Variants in LGR6 observed in about 807,000 individuals in gnomAD.
LGR6 encodes the protein leucine-rich repeat-containing G protein-coupled receptor 6.
Under a neutral mutation model 69.4 loss-of-function variants are expected in LGR6, and 45 were observed. The ratio of observed to expected loss-of-function variants is 0.65; its 90% confidence interval spans 0.51 to 0.83. The LOEUF (loss-of-function observed/expected upper bound fraction) is 0.83. Among genes scored for constraint, LGR6 ranks in the 40% least tolerant of loss-of-function variants. The probability of loss-of-function intolerance (pLI) is 0.00; values close to 1 mark genes in which losing one functional copy is unlikely to be tolerated. For synonymous variants in LGR6, 538 were observed against 555.0 expected (o/e 0.97, Z 0.43); for missense variants, 1,108 against 1,246.7 (o/e 0.89, Z 1.68).
At chr1:202,286,563 G>A (rs1666408545) in intron 6 of LGR6, among the ~76,000 whole-genome samples, 1 of 152,064 alleles carries the variant, frequency 6.6e-6, no homozygotes, top group African/African-American at 2.4e-5. Flanking sequence ...TTTAATTTGG[G>A]TTTCTCTGCC....
rs762967039 is a variant in LGR6 at position 202,301,175 on chromosome 1, A to G, written c.869A>G (p.Asp290Gly). Residue 290 changes from aspartate to glycine, a missense_variant, in exon 9 of 18, where the codon GAT becomes GGT. Asp to Gly is a moderately conservative substitution (Grantham distance 94). Transcript: ENST00000367278. Reference protein sequence around the residue: ...NPLLQTIHFYDNPIQFVGRSA... With the variant: ...NPLLQTIHFYGNPIQFVGRSA... ...CCTTCTTCTTCCAGACACTTTTATGATAACCCAATCCAGTTTGTGGGAAGA... is the reference window on the plus strand; with the variant it reads ...CCTTCTTCTTCCAGACACTTTTATGGTAACCCAATCCAGTTTGTGGGAAGA... 1.2e-6 allele frequency: 2 copies of G among 1,614,222 alleles called. No individual in the cohort carries two copies. Among genetic ancestry groups the G allele is most frequent in the Non-Finnish European group, 1.7e-6 (2 of 1,180,028 alleles).
At chr1:202,200,841 T>TG (rs940828848) in intron 1 of LGR6, among the ~76,000 whole-genome samples, 23 of 152,020 alleles carry the variant, frequency 1.5e-4, no homozygotes, top group African/African-American at 5.3e-4. Flanking sequence ...AAGGACATGG[T>TG]GGGGGGAGAG....
intron 3 of LGR6, among the ~76,000 whole-genome samples, chr1:202,230,655 T>C (rs1660950890): frequency 6.6e-6 from 1 of 152,208 alleles, no homozygotes; most frequent in South Asian, 2.1e-4. Context: ...TGTGCGTGTG[T>C]GTGTCAGGCT....
chr1:202,261,850 T>G (rs1664263623), intron 4 of LGR6, among the ~76,000 whole-genome samples: 1 of 152,272 alleles, frequency 6.6e-6, no homozygotes, highest in South Asian at 2.1e-4. Flanking sequence ...ATGAGCATTT[T>G]TTCATGTGTC....
At chr1:202,219,301 G>C (rs944089765) in intron 1 of LGR6, among the ~76,000 whole-genome samples, 1 of 152,186 alleles carries the variant, frequency 6.6e-6, no homozygotes, top group Admixed American at 6.5e-5. Context: ...ATATGTGCCC[G>C]GCTCAGCCTG....
intron 3 of LGR6, among the ~76,000 whole-genome samples, chr1:202,233,413 C>T (rs749046436): frequency 2.0e-5 from 3 of 152,148 alleles, no homozygotes; most frequent in Non-Finnish European, 2.9e-5. Flanking sequence ...TTTTCTCAGC[C>T]ATCGTTTCTC....
intron 4 of LGR6, among the ~76,000 whole-genome samples, chr1:202,259,994 A>G (rs1018463826): frequency 6.6e-6 from 1 of 152,116 alleles, no homozygotes; most frequent in Middle Eastern, 3.2e-3. Context: ...TGCTACTCCA[A>G]TCCTGCCTGG....
chr1:202,305,561 G>A (rs546899724), intron 11 of LGR6, 123 bp from the exon 12 acceptor site: 2 of 774,750 alleles, frequency 2.6e-6, no homozygotes, highest in African/African-American at 3.4e-5. Context: ...ATGTCCCTGT[G>A]GGGTCCCCAC....
chr1:202,305,066 T>C (rs1667883374), intron 11 of LGR6, among the ~76,000 whole-genome samples: 1 of 152,162 alleles, frequency 6.6e-6, no homozygotes, highest in Non-Finnish European at 1.5e-5. Flanking sequence ...AACTTGAATC[T>C]GAGGCTCCTC....
At chr1:202,196,270 A>C (rs1310085703) in intron 1 of LGR6, among the ~76,000 whole-genome samples, 3 of 152,078 alleles carry the variant, frequency 2.0e-5, no homozygotes, top group Admixed American at 1.3e-4. Flanking sequence ...AGTTGTCCTG[A>C]GGGTGTCTCA....
At chr1:202,309,566 G>A (rs780271538) in intron 15 of LGR6, among the ~76,000 whole-genome samples, 53 of 152,268 alleles carry the variant, frequency 3.5e-4, no homozygotes, top group Non-Finnish European at 7.1e-4. Context: ...ACTGATGGGT[G>A]GAAAACAAGC....
chr1:202,227,134 A>G (rs911377941), intron 2 of LGR6, among the ~76,000 whole-genome samples: 1 of 152,190 alleles, frequency 6.6e-6, no homozygotes, highest in African/African-American at 2.4e-5. Context: ...TTTTTAAACA[A>G]TAAATGTCAA....
intron 11 of LGR6, among the ~76,000 whole-genome samples, chr1:202,304,864 C>A (rs1054390697): frequency 6.6e-6 from 1 of 152,130 alleles, no homozygotes; most frequent in Admixed American, 6.6e-5. Flanking sequence ...TCGATATCCT[C>A]GTCTATAACA....
intron 12 of LGR6, among the ~76,000 whole-genome samples, chr1:202,306,488 G>T (rs755998544): frequency 2.1e-4 from 32 of 152,190 alleles, no homozygotes; most frequent in Non-Finnish European, 4.1e-4. Context: ...AGTCTACTGA[G>T]CTCTGCTTCC....
At chr1:202,292,229 G>A (rs1666846248) in intron 6 of LGR6, among the ~76,000 whole-genome samples, 1 of 152,194 alleles carries the variant, frequency 6.6e-6, no homozygotes, top group Non-Finnish European at 1.5e-5. Flanking sequence ...CAACAGGAGA[G>A]TGACAGACTC....
chr1:202,265,477 A>G (rs1664571560), intron 4 of LGR6, among the ~76,000 whole-genome samples: 1 of 152,214 alleles, frequency 6.6e-6, no homozygotes, highest in African/African-American at 2.4e-5. Context: ...TTCCTCAACC[A>G]GTGACCTGGG....
intron 1 of LGR6, among the ~76,000 whole-genome samples, chr1:202,195,840 C>G (rs1166100433): frequency 6.6e-6 from 1 of 152,168 alleles, no homozygotes; most frequent in Non-Finnish European, 1.5e-5. Flanking sequence ...AGCATTAAGT[C>G]TTCCTAGACT....
intron 4 of LGR6, among the ~76,000 whole-genome samples, chr1:202,236,899 A>G (rs560819017): frequency 9.9e-5 from 15 of 152,232 alleles, no homozygotes; most frequent in African/African-American, 3.6e-4. Context: ...AAGTCAGACA[A>G]CTTCTGACTT....
intron 4 of LGR6, among the ~76,000 whole-genome samples, chr1:202,254,489 A>C (rs1323440250): frequency 6.6e-6 from 1 of 152,190 alleles, no homozygotes; most frequent in Non-Finnish European, 1.5e-5. Context: ...TCTGGTGGTG[A>C]GTTGCCCCTG....
Sources: gnomAD v4.1 joint callset for allele counts (sites outside exome capture counted in the v4.1 genomes callset) on GRCh38, gnomAD v4.1.1 for gene constraint, MANE v1.5 for transcripts, NCBI Gene and HGNC (gene_info 2026-07-23, HGNC 2026-07-21) for gene names.